The following CCDC30 variants were observed in gnomAD, a reference collection of about 807,000 sequenced individuals.
CCDC30 encodes the protein coiled-coil domain-containing protein 30.
Under a neutral mutation model 100.2 loss-of-function variants are expected in CCDC30, and 70 were observed. The ratio of observed to expected loss-of-function variants is 0.70; its 90% CI spans 0.58 to 0.85. The LOEUF is 0.85. CCDC30 is among the 40% of genes least tolerant of loss of function. The pLI, the probability that CCDC30 is intolerant of heterozygous loss-of-function variation, is 0.00. For missense variants in CCDC30, 652 were observed against 771.2 expected (o/e 0.85, Z 1.83); for synonymous variants, 233 against 269.5 (o/e 0.86, Z 1.33).
At chr1:42,495,541 A>C (rs956909564) in intron 4 of CCDC30, among the ~76,000 whole-genome samples, 1 of 151,902 alleles carries the variant, frequency 6.6e-6, no homozygotes, top group Non-Finnish European at 1.5e-5. Flanking sequence ...CAAAAAAAAA[A>C]AAAATTAGCC....
intron 11 of CCDC30, among the ~76,000 whole-genome samples, chr1:42,621,248 A>G (rs910553257): frequency 3.9e-5 from 6 of 152,220 alleles, no homozygotes; most frequent in African/African-American, 1.4e-4. Flanking sequence ...ATCGTGGAGA[A>G]TGGGGTACTC....
chr1:42,611,503 A>G (rs773950745), intron 11 of CCDC30, among the ~76,000 whole-genome samples: 33 of 152,036 alleles, frequency 2.2e-4, no homozygotes, highest in Non-Finnish European at 3.4e-4. Flanking sequence ...TAGATGTTAT[A>G]TATAATGATA....
chr1:42,651,508 T>C (rs1214302864), intron 15 of CCDC30, among the ~76,000 whole-genome samples: 1 of 149,952 alleles, frequency 6.7e-6, no homozygotes, highest in East Asian at 2.0e-4. Flanking sequence ...GTTATGGAAA[T>C]GCACATTAAA....
intron 7 of CCDC30, among the ~76,000 whole-genome samples, chr1:42,575,421 G>A (rs1041801029): frequency 2.6e-5 from 4 of 151,806 alleles, no homozygotes; most frequent in Admixed American, 6.6e-5. Flanking sequence ...AGGCCGAGGC[G>A]GGCAGATCAC....
At chr1:42,527,824 T>C (rs548473369) in intron 6 of CCDC30, among the ~76,000 whole-genome samples, 23 of 152,156 alleles carry the variant, frequency 1.5e-4, no homozygotes, top group African/African-American at 5.3e-4. Context: ...TTTAACCTCA[T>C]CTTCTCTACT....
At chr1:42,553,692 C>CAT (rs1553194023) in intron 6 of CCDC30, among the ~76,000 whole-genome samples, 1 of 150,014 alleles carries the variant, frequency 6.7e-6, no homozygotes, top group East Asian at 2.0e-4. Context: ...CACACACACA[C>CAT]GGTATACATT....
intron 6 of CCDC30, among the ~76,000 whole-genome samples, chr1:42,532,205 A>C (rs1018111673): frequency 3.5e-4 from 54 of 152,312 alleles, no homozygotes; most frequent in African/African-American, 1.3e-3. Flanking sequence ...TTGATGTTTC[A>C]TAAATAGAAA....
intron 7 of CCDC30, among the ~76,000 whole-genome samples, chr1:42,575,676 A>G (rs1423951729): frequency 6.6e-6 from 1 of 151,236 alleles, no homozygotes; most frequent in Non-Finnish European, 1.5e-5. Flanking sequence ...ACAAACAAAA[A>G]AACATAGTCT....
In CCDC30 at chr1:42,496,440, CT is replaced by C. The variant is rs922458901; in HGVS notation, c.242-655del. On this transcript the variant is annotated intron_variant, in intron 4 of 16. Transcript: ENST00000668663. ...CAGTTGTTAAATATTTTTAACACAA[CT>C]TTGTCTGTTTGTATATTACTATAAA... Among the ~76,000 whole-genome samples the C allele has an allele frequency of 8.2e-4, 124 of 151,498 alleles. 2 individuals are homozygous for C. The highest frequency in any genetic ancestry group is 3.4e-3 in the Middle Eastern group (1 of 294).
chr1:42,611,574 A>G (rs954495571), intron 11 of CCDC30, among the ~76,000 whole-genome samples: 1 of 152,064 alleles, frequency 6.6e-6, no homozygotes, highest in Non-Finnish European at 1.5e-5. Flanking sequence ...ACATACATAC[A>G]TATATGTATA....
intron 4 of CCDC30, chr1:42,492,210 C>T (rs1049959088): frequency 1.4e-5 from 3 of 217,628 alleles, no homozygotes; most frequent in African/African-American, 4.7e-5. Context: ...AACAGGTCTG[C>T]GAAATCCAGA....
At chr1:42,492,221 A>C in intron 4 of CCDC30, 1 of 219,098 alleles carries the variant, frequency 4.6e-6, no homozygotes, top group Non-Finnish European at 9.3e-6. Flanking sequence ...GAAATCCAGA[A>C]GAAAATGATG....
At chr1:42,605,646 T>TTTA (rs993698354) in intron 10 of CCDC30, among the ~76,000 whole-genome samples, 5 of 151,762 alleles carry the variant, frequency 3.3e-5, no homozygotes, top group Admixed American at 3.3e-4. Flanking sequence ...GCCTGGCTAT[T>TTTA]TTATTATTAT....
At chr1:42,547,905 A>G (rs773522767) in intron 6 of CCDC30, among the ~76,000 whole-genome samples, 116 of 152,342 alleles carry the variant, frequency 7.6e-4, no homozygotes, top group Non-Finnish European at 1.3e-3. Context: ...TGGTTAAACA[A>G]GGCAGTACTG....
At chr1:42,642,204 T>C (rs139324533) in intron 12 of CCDC30, among the ~76,000 whole-genome samples, 3 of 151,712 alleles carry the variant, frequency 2.0e-5, no homozygotes, top group Non-Finnish European at 4.4e-5. Context: ...CCAGCCTGGG[T>C]GACAGGGCAA....
chr1:42,459,767 C>G, upstream of CCDC30: 2 of 1,614,144 alleles, frequency 1.2e-6, no homozygotes, highest in Non-Finnish European at 1.7e-6. Context: ...TGGCTAATAT[C>G]CTTGAGTCAC....
intron 4 of CCDC30, among the ~76,000 whole-genome samples, chr1:42,495,737 A>G (rs1644222439): frequency 6.6e-6 from 1 of 152,112 alleles, no homozygotes; most frequent in Non-Finnish European, 1.5e-5. Flanking sequence ...AAATCTTCCC[A>G]TGAGGAAAAC....
intron 9 of CCDC30, among the ~76,000 whole-genome samples, chr1:42,583,392 A>G (rs1240234759): frequency 6.6e-6 from 1 of 152,228 alleles, no homozygotes; most frequent in Non-Finnish European, 1.5e-5. Flanking sequence ...AAAATAAAAT[A>G]TATAGGGAAA....
At chr1:42,653,999 C>A in exon 17 of CCDC30, 12 of 1,613,814 alleles carry the variant, frequency 7.4e-6, no homozygotes, top group Non-Finnish European at 9.3e-6. Context: ...ACATGGTATA[C>A]AAGAACAAGA....
Sources: gnomAD v4.1 joint callset for allele counts (sites outside exome capture counted in the v4.1 genomes callset) on GRCh38, gnomAD v4.1.1 for gene constraint, MANE v1.5 for transcripts, NCBI Gene and HGNC (gene_info 2026-07-23, HGNC 2026-07-21) for gene names.